Variants in CEP120 observed in about 807,000 individuals in gnomAD.
The protein encoded by CEP120 is centrosomal protein of 120 kDa.
In CEP120, 113 loss-of-function variants were observed where a neutral mutation model predicts 126.5. The observed-to-expected ratio is 0.89, with a 90% CI of 0.77 to 1.04. The LOEUF is 1.04. CEP120 is among the 50% of genes least tolerant of loss of function. The pLI is 0.00. For synonymous variants in CEP120, 400 were observed against 394.3 expected (o/e 1.01, Z -0.17); for missense variants, 1,230 against 1,155.7 (o/e 1.06, Z -0.93).
At chr5:123,403,535 T>C (rs1465556991) in intron 4 of CEP120, among the ~76,000 whole-genome samples, 3 of 152,210 alleles carry the variant, frequency 2.0e-5, no homozygotes, top group African/African-American at 4.8e-5. Flanking sequence ...TAATGAGAAA[T>C]TGAATATATT....
At chr5:123,386,788 T>C (rs537976301) in intron 9 of CEP120, 121 bp from the exon 10 acceptor site, 3 of 735,012 alleles carry the variant, frequency 4.1e-6, no homozygotes, top group African/African-American at 3.7e-5. Context: ...AACTTTTTAA[T>C]AGAAACATGG....
At chr5:123,406,890 G>A (rs1773721110) in intron 4 of CEP120, among the ~76,000 whole-genome samples, 2 of 151,780 alleles carry the variant, frequency 1.3e-5, no homozygotes, top group East Asian at 3.9e-4. Flanking sequence ...GTGTGTGCAC[G>A]CATGCACATG....
intron 17 of CEP120, among the ~76,000 whole-genome samples, chr5:123,366,167 A>AAGAT (rs1174352019): frequency 5.9e-5 from 9 of 151,826 alleles, no homozygotes; most frequent in Non-Finnish European, 1.0e-4. Flanking sequence ...TATTTTTTTT[A>AAGAT]AGATATAGAT....
In CEP120 at chr5:123,378,324, C is replaced by G; in HGVS notation, c.2196+12G>C. 1 of 1,576,072 alleles carries G rather than the reference C, an allele frequency of 6.3e-7. No individual in the cohort carries two copies. The highest frequency in any genetic ancestry group is 8.6e-7 in the Non-Finnish European group (1 of 1,162,624). ...CTATGCTGAAAAAAAATACAATGGA[C>G]GAATGACATACCTCTGATTCCACAC... On this transcript the variant is annotated intron_variant, in intron 15 of 19. Coordinates refer to ENST00000306467, the MANE Select transcript of CEP120 (RefSeq NM_001375405.1).
At chr5:123,370,918 TTC>T (rs1199317733) in intron 17 of CEP120, among the ~76,000 whole-genome samples, 3 of 151,742 alleles carry the variant, frequency 2.0e-5, no homozygotes, top group Non-Finnish European at 4.4e-5. Flanking sequence ...CAATGTTACT[TTC>T]TGATTACAAT....
chr5:123,390,828 C>T (rs1455763529), intron 7 of CEP120: 3 of 297,586 alleles, frequency 1.0e-5, no homozygotes, highest in Non-Finnish European at 1.9e-5. Flanking sequence ...TTCTCTTTCA[C>T]TGGAGTTCCT....
At position 123,359,492 on chromosome 5, in the gene CEP120, T is replaced by C. The variant is rs576011521; in HGVS notation, c.2580+5004A>G. ...GAAAGCAGACAACTTCACTTGAGTATTTGTAGACCAATGCAATTCAAGTAT... is the reference window on the plus strand; with the variant it reads ...GAAAGCAGACAACTTCACTTGAGTACTTGTAGACCAATGCAATTCAAGTAT... On this transcript the variant is annotated intron_variant, in intron 18 of 19. Coordinates refer to ENST00000306467, the MANE Select transcript of CEP120 (RefSeq NM_001375405.1). Among the ~76,000 whole-genome samples the C allele has an allele frequency of 5.9e-5, 9 of 152,204 alleles. No individual in the cohort carries two copies. The East Asian group carries it at 1.7e-3, about 29-fold the overall frequency.
rs546769176 is a variant in CEP120 at position 123,408,983 on chromosome 5, G to A, written c.463+3416C>T. Among the ~76,000 whole-genome samples the A allele has an allele frequency of 2.6e-3, 400 of 152,248 alleles. 3 individuals are homozygous for A. The highest frequency in any genetic ancestry group is 9.3e-3 in the African/African-American group (386 of 41,534). On this transcript the variant is annotated intron_variant, in intron 4 of 19. Transcript: ENST00000306467. ...GCACTTTGTGAGGCTGAGGTGGGAGGATCACTTGAGCCCAGGAGTTCGAGA... is the reference window on the plus strand; with the variant it reads ...GCACTTTGTGAGGCTGAGGTGGGAGAATCACTTGAGCCCAGGAGTTCGAGA...
At chr5:123,410,611 C>T (rs968048816) in intron 4 of CEP120, among the ~76,000 whole-genome samples, 1 of 152,198 alleles carries the variant, frequency 6.6e-6, no homozygotes, top group African/African-American at 2.4e-5. Context: ...ACAAATGGTG[C>T]TGGAACAACT....
At chr5:123,359,187 A>G (rs1318248925) in intron 18 of CEP120, among the ~76,000 whole-genome samples, 2 of 152,086 alleles carry the variant, frequency 1.3e-5, no homozygotes, top group Admixed American at 6.6e-5. Flanking sequence ...TTAACTAAAT[A>G]TATCAGCTCA....
intron 5 of CEP120, among the ~76,000 whole-genome samples, chr5:123,398,335 A>G (rs1772939097): frequency 6.6e-6 from 1 of 152,168 alleles, no homozygotes; most frequent in African/African-American, 2.4e-5. Flanking sequence ...ATGAGCCCTG[A>G]GCATCCCTGG....
Position 123,391,316 on chromosome 5 carries a change from G to C in CEP120, c.832C>G (p.Gln278Glu), listed in dbSNP as rs754023745. Residue 278 changes from glutamine to glutamate, a missense_variant, in exon 7 of 20, where the codon CAG (glutamine) becomes GAG (glutamate). Transcript: ENST00000306467. ...GGTATTTCTGTACTTCCAAGTGACT[G>C]GTCTCCACAGCAGAGGTGAATCTAA... ...KLQIHLCCGD[Q>E]SLGSTEIPLT... The C allele has an allele frequency of 1.9e-6, 3 of 1,613,724 alleles. No individual in the cohort carries two copies. The highest frequency in any genetic ancestry group is 1.7e-5 in the Admixed American group (1 of 60,028).
intron 18 of CEP120, among the ~76,000 whole-genome samples, chr5:123,350,634 T>C (rs1769142381): frequency 6.6e-6 from 1 of 152,164 alleles, no homozygotes; most frequent in African/African-American, 2.4e-5. Flanking sequence ...AAGATGTACC[T>C]AGAAAAATTC....
At chr5:123,419,636 C>T (rs1774595859) in intron 1 of CEP120, among the ~76,000 whole-genome samples, 1 of 151,112 alleles carries the variant, frequency 6.6e-6, no homozygotes, top group African/African-American at 2.4e-5. Context: ...TCAAGGACAA[C>T]ACTGTACACT....
At chr5:123,362,837 C>G (rs1285426982) in intron 18 of CEP120, among the ~76,000 whole-genome samples, 1 of 151,672 alleles carries the variant, frequency 6.6e-6, no homozygotes, top group Admixed American at 6.6e-5. Flanking sequence ...AACAACAGAT[C>G]CATATTTCTA....
At chr5:123,391,993 T>C (rs1772436615) in intron 6 of CEP120, among the ~76,000 whole-genome samples, 1 of 152,166 alleles carries the variant, frequency 6.6e-6, no homozygotes, top group Non-Finnish European at 1.5e-5. Context: ...AGATAAATGT[T>C]ATATAACTTG....
intron 16 of CEP120, 111 bp from the exon 17 acceptor site, chr5:123,372,883 A>C: frequency 1.2e-6 from 1 of 810,694 alleles, no homozygotes; most frequent in East Asian, 2.9e-5. Flanking sequence ...CTCATAGTAG[A>C]AAATCTGGAA....
chr5:123,378,711 C>T (rs1580677311), intron 14 of CEP120, among the ~76,000 whole-genome samples: 1 of 151,956 alleles, frequency 6.6e-6, no homozygotes, highest in South Asian at 2.1e-4. Flanking sequence ...GTATGTTAGA[C>T]TTAATCTAAA....
At chr5:123,408,100 C>T (rs1319080600) in intron 4 of CEP120, among the ~76,000 whole-genome samples, 1 of 152,004 alleles carries the variant, frequency 6.6e-6, no homozygotes, top group Non-Finnish European at 1.5e-5. Flanking sequence ...TCGCTGGGCA[C>T]AGAAATTGTG....
Sources: allele counts gnomAD v4.1 joint callset (sites outside exome capture counted in the v4.1 genomes callset), GRCh38; gene constraint gnomAD v4.1.1; transcripts MANE v1.5; gene names NCBI Gene and HGNC (gene_info 2026-07-23, HGNC 2026-07-21).